The following ACTN1 variants were observed in gnomAD, a reference collection of about 807,000 sequenced individuals.
ACTN1 encodes alpha-actinin-1.
In ACTN1, 30 loss-of-function variants were observed where a neutral mutation model predicts 119.6. The ratio of observed to expected loss-of-function variants is 0.25; its 90% CI spans 0.19 to 0.34. The LOEUF (loss-of-function observed/expected upper bound fraction) is 0.34. Among genes scored for constraint, ACTN1 ranks in the 10% least tolerant of loss-of-function variants. The pLI is 1.00. For missense variants in ACTN1, 764 were observed against 1,223.4 expected (o/e 0.62, Z 5.60); for synonymous variants, 429 against 472.6 (o/e 0.91, Z 1.20).
At chr14:68,902,680 G>T in intron 7 of ACTN1, 118 bp from the exon 8 acceptor site, 1 of 789,680 alleles carries the variant, frequency 1.3e-6, no homozygotes, top group African/African-American at 1.8e-5. Context: ...TGTGGAGCCC[G>T]AATCTAACCA....
intron 1 of ACTN1, chr14:68,936,933 CCT>C (rs1400878743): frequency 3.8e-6 from 2 of 524,144 alleles, no homozygotes; most frequent in Admixed American, 2.1e-5. Context: ...GGACTCCTCC[CCT>C]GTCCTCTACA....
intron 1 of ACTN1, among the ~76,000 whole-genome samples, chr14:68,971,032 T>A (rs979175623): frequency 2.0e-5 from 3 of 152,070 alleles, no homozygotes; most frequent in African/African-American, 7.2e-5. Flanking sequence ...CCACAATGAG[T>A]TGTTCTCTTA....
intron 6 of ACTN1, among the ~76,000 whole-genome samples, chr14:68,908,760 C>A (rs4899270): frequency 0.02 from 3,016 of 152,318 alleles, 104 homozygotes; most frequent in African/African-American, 0.068. Context: ...ACAGCTCCCA[C>A]TCCTGCATCT....
intron 8 of ACTN1, among the ~76,000 whole-genome samples, chr14:68,894,717 A>G (rs541107842): frequency 7.9e-5 from 12 of 152,114 alleles, no homozygotes; most frequent in Non-Finnish European, 1.5e-4. Context: ...GGAGAAGATG[A>G]TATCTGTGAG....
intron 1 of ACTN1, among the ~76,000 whole-genome samples, chr14:68,974,926 C>T (rs2037011304): frequency 6.6e-6 from 1 of 152,206 alleles, no homozygotes; most frequent in Non-Finnish European, 1.5e-5. Flanking sequence ...GGCTCCAGGC[C>T]CCCAGGTCTT....
intron 3 of ACTN1, among the ~76,000 whole-genome samples, chr14:68,917,018 C>T (rs2034337135): frequency 6.6e-6 from 1 of 152,114 alleles, no homozygotes; most frequent in South Asian, 2.1e-4. Flanking sequence ...CCTCACTGAG[C>T]CCACCTCCAT....
rs772449856 is a variant in ACTN1, at chr14:68,874,980, G to T, written c.2624C>A (p.Pro875Gln). 2 of 1,613,644 alleles carry T rather than the reference G, an allele frequency of 1.2e-6. No individual in the cohort carries two copies. Among genetic ancestry groups the T allele is most frequent in the Non-Finnish European group, 1.7e-6 (2 of 1,180,020 alleles). ...ITMDELRREL[P>Q]PDQAEYCIAR... is the part of the protein sequence containing the mutation. Reference sequence around the variant, plus strand: ...GATGCAGTACTCAGCCTGGTCGGGTGGCAGCTCGCGGCGCAGCTCGTCCAT... The same window carrying T: ...GATGCAGTACTCAGCCTGGTCGGGTTGCAGCTCGCGGCGCAGCTCGTCCAT... Residue 875 changes from proline (P) to glutamine (Q), a missense_variant, in exon 22 of 22, where the codon CCA becomes CAA. By Grantham distance (76) the Pro-to-Gln change is moderately conservative (BLOSUM62 -1). Transcript: ENST00000394419.
chr14:68,906,848 G>T (rs991317139), intron 6 of ACTN1, among the ~76,000 whole-genome samples: 36 of 152,290 alleles, frequency 2.4e-4, no homozygotes, highest in African/African-American at 8.2e-4. Flanking sequence ...TGGAAGCCAG[G>T]TGTGGTGGCT....
At chr14:68,901,556 A>G (rs534147301) in intron 8 of ACTN1, among the ~76,000 whole-genome samples, 10 of 152,214 alleles carry the variant, frequency 6.6e-5, no homozygotes, top group African/African-American at 2.4e-4. Flanking sequence ...CTCATCATGC[A>G]TTTTAAAACG....
intron 1 of ACTN1, among the ~76,000 whole-genome samples, chr14:68,945,900 G>GC (rs953550474): frequency 2.6e-5 from 4 of 152,174 alleles, no homozygotes; most frequent in Middle Eastern, 3.2e-3. Context: ...CCAACCCACT[G>GC]CCCCAAGTGT....
rs2031929503 is a variant in ACTN1, at chr14:68,885,568, C to G, written c.1242G>C (p.Glu414Asp). The change falls in exon 12 of 22, where the codon GAG becomes GAC. Residue 414 changes from glutamate to aspartate, a missense_variant. Glu to Asp is a conservative substitution (Grantham distance 45). This residue lies in a region of ACTN1 where 544 missense variants were observed against 912.0 expected (regional missense o/e 0.60). Transcript: ENST00000394419. The surrounding 1 kb of genome is among the most constrained non-coding windows in gnomAD (Gnocchi z 5.6). ...SIHEAWTDGK[E>D]AMLRQKDYET... is the part of the protein sequence containing the mutation. ...CATAGTCCTTCTGTCGCAGCATGGCCTCTTTGCCTGGGTTGAGAGAGGGCC... is the reference window on the plus strand; with the variant it reads ...CATAGTCCTTCTGTCGCAGCATGGCGTCTTTGCCTGGGTTGAGAGAGGGCC... 1 of 1,613,172 alleles carries G rather than the reference C, an allele frequency of 6.2e-7. No individual in the cohort carries two copies. The highest frequency in any genetic ancestry group is 8.5e-7 in the Non-Finnish European group (1 of 1,179,960).
chr14:68,956,512 GA>G (rs1207100031), intron 1 of ACTN1, among the ~76,000 whole-genome samples: 1 of 152,130 alleles, frequency 6.6e-6, no homozygotes, highest in East Asian at 1.9e-4. Context: ...AGGAGGTCTG[GA>G]AAAGGCCCAG....
At chr14:68,899,918 T>C (rs549272833) in intron 8 of ACTN1, among the ~76,000 whole-genome samples, 3 of 152,220 alleles carry the variant, frequency 2.0e-5, no homozygotes, top group African/African-American at 7.2e-5. Flanking sequence ...GAGAAGCTGT[T>C]CACACCCTGG....
At chr14:68,939,199 A>G (rs1211556007) in intron 1 of ACTN1, among the ~76,000 whole-genome samples, 1 of 152,190 alleles carries the variant, frequency 6.6e-6, no homozygotes, top group Non-Finnish European at 1.5e-5. Flanking sequence ...GCCACTTTAA[A>G]ACAGGTGGAC....
In ACTN1 at chr14:68,878,294, G is replaced by A. The variant is rs573132685; in HGVS notation, c.2427+164C>T. ...ATACACACACGCCCGTGGCCGGGCC[G>A]GCTTTCAGGGAGCCATCTTCCCCAA... On this transcript the variant is annotated intron_variant, in intron 20 of 21. Coordinates refer to ENST00000394419, the MANE Select transcript of ACTN1 (RefSeq NM_001130004.2). The surrounding 1 kb of genome is among the most constrained non-coding windows in gnomAD (Gnocchi z 4.4). 4.4e-5 allele frequency: 47 copies of A among 1,061,068 alleles called. 1 individual carries two copies. The Middle Eastern group carries it at 9.6e-4, about 22-fold the overall frequency. 65.7% of individuals were successfully genotyped at this position (1,061,068 alleles called of 1,614,324 possible).
chr14:68,949,972 C>T (rs1320954691), intron 1 of ACTN1, among the ~76,000 whole-genome samples: 1 of 152,098 alleles, frequency 6.6e-6, no homozygotes, highest in Non-Finnish European at 1.5e-5. Flanking sequence ...TTCATGGGTA[C>T]AGAGTTTCAG....
intron 1 of ACTN1, among the ~76,000 whole-genome samples, chr14:68,964,780 A>T (rs1405176822): frequency 6.6e-6 from 1 of 152,218 alleles, no homozygotes; most frequent in Non-Finnish European, 1.5e-5. Context: ...GACATGCGGT[A>T]ATAAGTGCTG....
chr14:68,977,886 G>A, intron 1 of ACTN1: 1 of 453,588 alleles, frequency 2.2e-6, no homozygotes, highest in Non-Finnish European at 4.4e-6. Flanking sequence ...GAAGTGGGCA[G>A]CCGGGAGGAG....
At chr14:68,977,995 C>T in intron 1 of ACTN1, 1 of 456,240 alleles carries the variant, frequency 2.2e-6, no homozygotes, top group Non-Finnish European at 4.4e-6. Flanking sequence ...CCTCCCCCCA[C>T]CACCACGAGT....
Sources: gnomAD v4.1 joint callset for allele counts (sites outside exome capture counted in the v4.1 genomes callset) on GRCh38, gnomAD v4.1.1 for gene constraint, gnomAD v4.1.1 regional missense constraint, Gnocchi (gnomAD v3.1) non-coding constraint, MANE v1.5 for transcripts, NCBI Gene and HGNC (gene_info 2026-07-23, HGNC 2026-07-21) for gene names.